ATP1B1: variants seen among roughly 807,000 people sequenced by gnomAD.
ATP1B1 encodes the protein sodium/potassium-transporting ATPase subunit beta-1.
ATP1B1 carries 3 observed loss-of-function variants against 39.6 expected under a neutral mutation model. The observed-to-expected ratio is 0.08, with a 90% CI of 0.03 to 0.20. The LOEUF (loss-of-function observed/expected upper bound fraction) is 0.20, where lower values mean the gene tolerates loss of function less well. ATP1B1 is among the 10% of genes least tolerant of loss of function. The probability of loss-of-function intolerance (pLI) is 1.00; values close to 1 mark genes in which losing one functional copy is unlikely to be tolerated. For missense variants in ATP1B1, 216 were observed against 371.1 expected (o/e 0.58, Z 3.43); for synonymous variants, 139 against 135.0 (o/e 1.03, Z -0.20).
chr1:169,106,775 G>T lies in ATP1B1; in HGVS notation c.-55G>T, dbSNP rs1657600090. On this transcript the variant is annotated 5_prime_UTR_variant, in exon 1 of 6. Coordinates refer to ENST00000367815, the MANE Select transcript of ATP1B1 (RefSeq NM_001677.4). ...CGAGCGGCGCAGAGGACGCCAGGGC[G>T]CGCGCCGCAGCCACCCACCCTCCGG... The T allele has an allele frequency of 1.0e-5, 15 of 1,452,344 alleles. No individual in the cohort carries two copies. Among genetic ancestry groups the T allele is most frequent in the Non-Finnish European group, 9.3e-6 (10 of 1,072,818 alleles). The allele number at this position is 1,452,344 out of a possible 1,614,324, so 90.0% of individuals were successfully genotyped here.
intron 1 of ATP1B1, chr1:169,107,891 C>T (rs901535355): frequency 6.6e-6 from 1 of 152,008 alleles, no homozygotes; most frequent in African/African-American, 2.4e-5. Flanking sequence ...CCAACATCAT[C>T]ATCATCATCA....
intron 4 of ATP1B1, among the ~76,000 whole-genome samples, chr1:169,127,678 T>C (rs1412250472): frequency 6.6e-6 from 1 of 152,124 alleles, no homozygotes; most frequent in Admixed American, 6.5e-5. Context: ...TCCTGCTCAG[T>C]ATCCAGATAA....
At chr1:169,127,579 T>G (rs1272166383) in intron 4 of ATP1B1, among the ~76,000 whole-genome samples, 171 bp downstream of exon 4, 1 of 152,182 alleles carries the variant, frequency 6.6e-6, no homozygotes, top group African/African-American at 2.4e-5. Context: ...TTCTTGTAGT[T>G]AGGACATTAA....
chr1:169,131,609 A>G lies in ATP1B1; in HGVS notation c.*54A>G. ...ATTTAATAAGTTAAAAAAAGATACA[A>G]AAACAAAAACCTACTAGTCTTGAAC... On this transcript the variant is annotated 3_prime_UTR_variant, in exon 6 of 6. Coordinates refer to ENST00000367815, the MANE Select transcript of ATP1B1 (RefSeq NM_001677.4). This position sits in a 1 kb window ranked among gnomAD's most constrained non-coding sequence, Gnocchi z 4.4. The G allele has an allele frequency of 6.4e-7, 1 of 1,555,056 alleles. No individual in the cohort carries two copies. Among genetic ancestry groups the G allele is most frequent in the Non-Finnish European group, 8.7e-7 (1 of 1,154,992 alleles).
chr1:169,127,445 C>T, intron 4 of ATP1B1, 37 bp downstream of exon 4: 1 of 1,565,916 alleles, frequency 6.4e-7, no homozygotes, highest in East Asian at 2.3e-5. Context: ...TTAGATGAGT[C>T]ATTTACACTA....
chr1:169,108,729 T>C (rs559825803), intron 1 of ATP1B1, among the ~76,000 whole-genome samples: 1 of 152,352 alleles, frequency 6.6e-6, no homozygotes, highest in South Asian at 2.1e-4. Context: ...TGTGTGTCAA[T>C]TTTTATGTCT....
intron 2 of ATP1B1, among the ~76,000 whole-genome samples, chr1:169,113,639 T>A (rs1195996771): frequency 1.3e-5 from 2 of 152,186 alleles, no homozygotes; most frequent in Non-Finnish European, 1.5e-5. Flanking sequence ...TGCTCAGTCC[T>A]TTCCAACACC....
At chr1:169,108,182 T>G (rs1657645527) in intron 1 of ATP1B1, 1 of 152,222 alleles carries the variant, frequency 6.6e-6, no homozygotes, top group Non-Finnish European at 1.5e-5. Context: ...AGGTGAAGCG[T>G]CTTTCCAAGG....
chr1:169,118,498 G>A (rs141748873), intron 2 of ATP1B1, among the ~76,000 whole-genome samples: 16 of 152,254 alleles, frequency 1.1e-4, no homozygotes, highest in Admixed American at 2.6e-4. Context: ...GTGCAAAGGC[G>A]CCTTTTTTCT....
chr1:169,126,034 T>C (rs1375234820), intron 3 of ATP1B1, among the ~76,000 whole-genome samples: 1 of 152,186 alleles, frequency 6.6e-6, no homozygotes, highest in African/African-American at 2.4e-5. Flanking sequence ...CTAGGTAATA[T>C]CATCCCTTCT....
At position 169,132,114 on chromosome 1, in the gene ATP1B1, G is replaced by GTGTT; in HGVS notation, c.*560_*563dup. 2.0e-6 allele frequency: 1 copy of GTGTT among 495,318 alleles called. No individual in the cohort carries two copies. Among genetic ancestry groups the GTGTT allele is most frequent in the Middle Eastern group, 3.4e-4 (1 of 2,968 alleles). 30.7% of individuals were successfully genotyped at this position (495,318 alleles called of 1,614,324 possible). A position where few individuals can be genotyped will look rare whatever the true frequency, so the allele number is the denominator to read the frequency against. ...ACATACTCCATAGTCTTTTCCTGTG[G>GTGTT]TGTTAGGTCTTTATTTTTATTTTTT... On this transcript the variant is annotated 3_prime_UTR_variant, in exon 6 of 6. Coordinates refer to ENST00000367815, the MANE Select transcript of ATP1B1 (RefSeq NM_001677.4).
intron 2 of ATP1B1, among the ~76,000 whole-genome samples, chr1:169,116,179 G>A (rs1350387435): frequency 9.2e-5 from 14 of 152,256 alleles, no homozygotes; most frequent in Admixed American, 9.2e-4. Context: ...GCCCAGTGGT[G>A]TAATGGAAAA....
In ATP1B1 at chr1:169,132,038, TTTTG is replaced by T; in HGVS notation, c.*487_*490del. 12 of 250,216 alleles carry T rather than the reference TTTTG, an allele frequency of 4.8e-5. No homozygotes were observed. The highest frequency in any genetic ancestry group is 9.0e-5 in the South Asian group (2 of 22,238). The allele number at this position is 250,216 out of a possible 1,614,324, so 15.5% of individuals were successfully genotyped here. A position where few individuals can be genotyped will look rare whatever the true frequency, so the allele number is the denominator to read the frequency against. On this transcript the variant is annotated 3_prime_UTR_variant, in exon 6 of 6. Coordinates refer to ENST00000367815, the MANE Select transcript of ATP1B1 (RefSeq NM_001677.4). ...ATGGTAATTTTTTTTTTTTTTTTTT[TTTTG>T]TTTTTTGGCTCTTTCAAAGGTAATG...
intron 5 of ATP1B1, 147 bp downstream of exon 5, chr1:169,130,237 T>C (rs778003521): frequency 1.2e-5 from 8 of 689,870 alleles, no homozygotes; most frequent in South Asian, 2.2e-5. Context: ...GTGAGATGAA[T>C]TGTAGCTATA....
intron 2 of ATP1B1, among the ~76,000 whole-genome samples, chr1:169,113,032 T>G (rs189862511): frequency 1.4e-4 from 21 of 152,332 alleles, no homozygotes; most frequent in East Asian, 3.9e-4. Context: ...GTTATGCCAT[T>G]TAAAAGTTAT....
chr1:169,131,795 C>A lies in ATP1B1; in HGVS notation c.*240C>A. The A allele has an allele frequency of 2.0e-6, 1 of 505,542 alleles. No homozygotes were observed. Among genetic ancestry groups the A allele is most frequent in the Non-Finnish European group, 3.4e-6 (1 of 293,052 alleles). The allele number at this position is 505,542 out of a possible 1,614,324, so 31.3% of individuals were successfully genotyped here. A position where few individuals can be genotyped will look rare whatever the true frequency, so the allele number is the denominator to read the frequency against. On this transcript the variant is annotated 3_prime_UTR_variant, in exon 6 of 6. Coordinates refer to ENST00000367815, the MANE Select transcript of ATP1B1 (RefSeq NM_001677.4). The surrounding 1 kb of genome is among the most constrained non-coding windows in gnomAD (Gnocchi z 4.4). Reference sequence around the variant, plus strand: ...AAGAAAAATTGAGCCTTGGGACGTGCCCATTTTTACTGTAAATTATGATTC... The same window carrying A: ...AAGAAAAATTGAGCCTTGGGACGTGACCATTTTTACTGTAAATTATGATTC...
chr1:169,115,964 G>A (rs1221420742), intron 2 of ATP1B1, among the ~76,000 whole-genome samples: 2 of 152,230 alleles, frequency 1.3e-5, no homozygotes, highest in African/African-American at 2.4e-5. Context: ...CTGCAGCATC[G>A]CTTCTCATCT....
At chr1:169,110,102 G>A (rs150416538) in intron 1 of ATP1B1, among the ~76,000 whole-genome samples, 1 of 152,104 alleles carries the variant, frequency 6.6e-6, no homozygotes, top group African/African-American at 2.4e-5. Context: ...TAAGCATTTT[G>A]CTGTGGTTTT....
chr1:169,116,080 C>T (rs1003715229), intron 2 of ATP1B1, among the ~76,000 whole-genome samples: 31 of 152,242 alleles, frequency 2.0e-4, no homozygotes, highest in Non-Finnish European at 1.5e-4. Context: ...GACATGCAAG[C>T]GTGCACACAC....
Sources: gnomAD v4.1 joint callset for allele counts (sites outside exome capture counted in the v4.1 genomes callset) on GRCh38, gnomAD v4.1.1 for gene constraint, Gnocchi (gnomAD v3.1) non-coding constraint, MANE v1.5 for transcripts, NCBI Gene and HGNC (gene_info 2026-07-23, HGNC 2026-07-21) for gene names.